SIPA1L1: variants seen among roughly 807,000 people sequenced by gnomAD.
SIPA1L1 encodes the protein signal induced proliferation associated 1 like 1, also known as signal-induced proliferation-associated 1-like protein 1.
A neutral mutation model predicts 162.7 loss-of-function variants in SIPA1L1; 26 were observed. The observed-to-expected ratio is 0.16, with a 90% confidence interval of 0.12 to 0.22. The LOEUF (loss-of-function observed/expected upper bound fraction) is 0.22. Among genes scored for constraint, SIPA1L1 ranks in the 10% least tolerant of loss-of-function variants. SIPA1L1 has a pLI of 1.00. For synonymous variants in SIPA1L1, 829 were observed against 837.4 expected, an observed-to-expected ratio of 0.99 and a Z score of 0.17; for missense variants, 1,874 against 2,241.0, an observed-to-expected ratio of 0.84 and a Z score of 3.31.
intron 2 of SIPA1L1, among the ~76,000 whole-genome samples, chr14:71,412,766 A>G (rs774459107): frequency 3.3e-5 from 5 of 152,246 alleles, no homozygotes; most frequent in Non-Finnish European, 5.9e-5. Flanking sequence ...TGGCAATTAC[A>G]TAGTTTGAAA....
intron 4 of SIPA1L1, among the ~76,000 whole-genome samples, chr14:71,563,118 A>C (rs1190748606): frequency 2.6e-5 from 4 of 152,226 alleles, no homozygotes; most frequent in Non-Finnish European, 5.9e-5. Context: ...CGTAGAGTAG[A>C]CATACAATAA....
At chr14:71,688,002 G>A (rs78328920) in intron 13 of SIPA1L1, among the ~76,000 whole-genome samples, 1,704 of 152,180 alleles carry the variant, frequency 0.011, 15 homozygotes, top group East Asian at 0.032. Context: ...CAGTCCTACA[G>A]TTTCCAGGAT....
At chr14:71,397,451 G>A (rs1433863755) in intron 2 of SIPA1L1, among the ~76,000 whole-genome samples, 2 of 127,656 alleles carry the variant, frequency 1.6e-5, no homozygotes, top group Non-Finnish European at 3.2e-5. Flanking sequence ...TCTTTATTCA[G>A]TATTTTTCCT....
Position 71,455,299 on chromosome 14 carries a change from C to T in SIPA1L1, c.-464-57444C>T, listed in dbSNP as rs559729933. 2.4e-4 allele frequency among the ~76,000 whole-genome samples: 36 copies of T among 152,174 alleles called. No homozygotes were observed. In the South Asian group the frequency reaches 6.9e-3, roughly 29 times the overall value. On this transcript the variant is annotated intron_variant, in intron 2 of 23. Transcript: ENST00000381232. ...TGCCATTGTTTGATCAAGTGAATGG[C>T]GAAGTGATTGATTCCAAATGATTGT...
chr14:71,663,576 A>C (rs2043730733), intron 10 of SIPA1L1, among the ~76,000 whole-genome samples: 2 of 152,212 alleles, frequency 1.3e-5, no homozygotes, highest in African/African-American at 2.4e-5. Context: ...GGCTGTGGCC[A>C]CTGTAATGAA....
intron 2 of SIPA1L1, chr14:71,416,154 A>G (rs1312922775): frequency 6.6e-6 from 1 of 150,662 alleles, no homozygotes; most frequent in Non-Finnish European, 1.5e-5. Flanking sequence ...TTTTTTTTTT[A>G]GTATAATAAA....
intron 4 of SIPA1L1, among the ~76,000 whole-genome samples, chr14:71,576,350 C>G (rs1331571014): frequency 6.6e-6 from 1 of 152,154 alleles, no homozygotes; most frequent in Non-Finnish European, 1.5e-5. Context: ...TTAAAGATTG[C>G]TTTAGCGAGT....
At chr14:71,360,667 T>C (rs2037724284) in intron 2 of SIPA1L1, among the ~76,000 whole-genome samples, 2 of 152,206 alleles carry the variant, frequency 1.3e-5, no homozygotes, top group Admixed American at 6.5e-5. Flanking sequence ...ATTTTAGTCT[T>C]GCAAAAATGT....
chr14:71,432,281 C>T (rs1426507966), intron 2 of SIPA1L1, among the ~76,000 whole-genome samples: 1 of 151,994 alleles, frequency 6.6e-6, no homozygotes, highest in Non-Finnish European at 1.5e-5. Context: ...ACTATGTTGC[C>T]AGGTTGGTCT....
chr14:71,601,703 C>A (rs2036777516), intron 5 of SIPA1L1, among the ~76,000 whole-genome samples: 1 of 152,046 alleles, frequency 6.6e-6, no homozygotes, highest in Non-Finnish European at 1.5e-5. Flanking sequence ...AACAGCAAAG[C>A]CATTGGGTTC....
At chr14:71,598,629 A>G (rs2036330941) in intron 5 of SIPA1L1, among the ~76,000 whole-genome samples, 1 of 152,224 alleles carries the variant, frequency 6.6e-6, no homozygotes, top group Non-Finnish European at 1.5e-5. Context: ...AAAAAGACAT[A>G]ACAACAAAAT....
chr14:71,461,955 G>T (rs966117188), intron 2 of SIPA1L1, among the ~76,000 whole-genome samples: 1 of 152,204 alleles, frequency 6.6e-6, no homozygotes, highest in Non-Finnish European at 1.5e-5. Context: ...GGCAGGAGTG[G>T]AGACCATGGG....
At chr14:71,401,756 T>C (rs2041687439) in intron 2 of SIPA1L1, among the ~76,000 whole-genome samples, 1 of 152,044 alleles carries the variant, frequency 6.6e-6, no homozygotes, top group South Asian at 2.1e-4. Flanking sequence ...AAGTTATATA[T>C]CATAATTAAG....
At chr14:71,413,001 G>A (rs1315182032) in intron 2 of SIPA1L1, among the ~76,000 whole-genome samples, 1 of 152,176 alleles carries the variant, frequency 6.6e-6, no homozygotes, top group East Asian at 1.9e-4. Context: ...AATATGCAGT[G>A]TTTGGTTTCT....
chr14:71,485,554 C>T (rs1212969111), intron 2 of SIPA1L1, among the ~76,000 whole-genome samples: 1 of 151,706 alleles, frequency 6.6e-6, no homozygotes, highest in Non-Finnish European at 1.5e-5. Context: ...CTGTCACTGT[C>T]TCCCATCACC....
In SIPA1L1 at chr14:71,588,369, CTCT is replaced by C. The variant is rs2034862408; in HGVS notation, c.500_502del (p.Leu167del). On this transcript the variant is annotated inframe_deletion, in exon 5 of 24. Transcript: ENST00000381232. The surrounding 1 kb of genome is among the most constrained non-coding windows in gnomAD (Gnocchi z 4.3). The stretch of plus-strand genomic sequence containing the variant: ...GCCTACCCCAGCTCCCCCAGAAAAG[CTCT>C]TCGCAGAATACGCCAGCGAAGCAAC... 1 of 1,613,858 alleles carries C rather than the reference CTCT, an allele frequency of 6.2e-7. No individual in the cohort carries two copies. Among genetic ancestry groups the C allele is most frequent in the East Asian group, 2.2e-5 (1 of 44,872 alleles).
chr14:71,710,754 GC>G (rs374631458), intron 17 of SIPA1L1, among the ~76,000 whole-genome samples: 257 of 145,304 alleles, frequency 1.8e-3, no homozygotes, highest in African/African-American at 6.3e-3. Flanking sequence ...GTTGCGGTGA[GC>G]CAAGATCACA....
chr14:71,415,046 C>T lies in SIPA1L1; in HGVS notation c.-465+93865C>T, dbSNP rs776913711. Among the ~76,000 whole-genome samples the T allele has an allele frequency of 5.8e-4, 88 of 152,126 alleles. 1 individual carries two copies. The highest frequency in any genetic ancestry group is 2.0e-4 in the Admixed American group (3 of 15,274). The stretch of plus-strand genomic sequence containing the variant: ...CTCAGCCAGATGCTGAAACAAAGAC[C>T]TTGGAGTTTTTCTCATTTGTTGCTT... On this transcript the variant is annotated intron_variant, in intron 2 of 23. Coordinates refer to ENST00000381232, the MANE Select transcript of SIPA1L1 (RefSeq NM_001386936.1).
intron 2 of SIPA1L1, among the ~76,000 whole-genome samples, chr14:71,427,799 A>AT (rs779530433): frequency 3.3e-5 from 5 of 150,954 alleles, no homozygotes; most frequent in Admixed American, 6.6e-5. Flanking sequence ...TTGCTTATGA[A>AT]TTTTTTTTTA....
Sources: gnomAD v4.1 joint callset for allele counts (sites outside exome capture counted in the v4.1 genomes callset) on GRCh38, gnomAD v4.1.1 for gene constraint, Gnocchi (gnomAD v3.1) non-coding constraint, MANE v1.5 for transcripts, NCBI Gene and HGNC (gene_info 2026-07-23, HGNC 2026-07-21) for gene names.